The following CHODL variants were observed in gnomAD, a reference collection of about 807,000 sequenced individuals.
CHODL encodes the protein transmembrane protein MT75.
CHODL carries 29 observed loss-of-function variants against 34.5 expected under a neutral mutation model. The observed-to-expected ratio is 0.84, with a 90% confidence interval of 0.63 to 1.15. The LOEUF (loss-of-function observed/expected upper bound fraction) is 1.15. Ranked by LOEUF, CHODL falls within the 50% of genes most tolerant of loss-of-function variation. CHODL has a pLI of 0.00. For synonymous variants in CHODL, 125 were observed against 116.1 expected (o/e 1.08, Z -0.49); for missense variants, 332 against 332.5 (o/e 1.00, Z 0.01).
At chr21:17,982,355 T>C (rs2063720506) in intron 1 of CHODL, among the ~76,000 whole-genome samples, 1 of 152,180 alleles carries the variant, frequency 6.6e-6, no homozygotes, top group Non-Finnish European at 1.5e-5. Flanking sequence ...TTTATAAATA[T>C]CTAAAGGGGT....
At chr21:18,202,037 C>T (rs2146710294) in intron 2 of CHODL, among the ~76,000 whole-genome samples, 1 of 152,150 alleles carries the variant, frequency 6.6e-6, no homozygotes, top group African/African-American at 2.4e-5. Flanking sequence ...AATCTCCTGA[C>T]CTCGTGATCT....
At chr21:17,928,270 G>A (rs1394555325) in intron 1 of CHODL, among the ~76,000 whole-genome samples, 1 of 152,184 alleles carries the variant, frequency 6.6e-6, no homozygotes, top group Non-Finnish European at 1.5e-5. Flanking sequence ...TCTCCCTGGA[G>A]TTCCAAGACT....
At chr21:18,061,047 A>C (rs1211362609) in intron 2 of CHODL, among the ~76,000 whole-genome samples, 1 of 152,212 alleles carries the variant, frequency 6.6e-6, no homozygotes, top group African/African-American at 2.4e-5. Context: ...TTTCAGGTAC[A>C]AAATGAGACG....
chr21:18,084,651 T>TA (rs928459879), intron 2 of CHODL, among the ~76,000 whole-genome samples: 14 of 152,162 alleles, frequency 9.2e-5, no homozygotes, highest in Middle Eastern at 3.4e-3. Flanking sequence ...ATTTTGATTT[T>TA]AAAAAAAAAC....
At position 18,174,157 on chromosome 21, in the gene CHODL, A is replaced by ATATATATATATATATG. The variant is rs1555879240; in HGVS notation, c.-44-82348_-44-82347insTATATATATATGTATA. Among the ~76,000 whole-genome samples, 13 of 88,210 alleles carry ATATATATATATATATG rather than the reference A, an allele frequency of 1.5e-4. No homozygotes were observed. The East Asian group carries it at 1.6e-3, about 11-fold the overall frequency. The allele number at this position is 88,210 out of a possible 152,430, so 57.9% of individuals were successfully genotyped here. On this transcript the variant is annotated intron_variant, in intron 2 of 6. Coordinates refer to the CHODL transcript ENST00000400127. ...TATATATATATATATATATATATAT[A>ATATATATATATATATG]TATAAAATCAAGTCTCTCAGAGTAG... is the stretch of plus-strand genomic sequence containing the variant.
intron 1 of CHODL, among the ~76,000 whole-genome samples, chr21:17,948,227 G>A (rs971090199): frequency 6.6e-6 from 1 of 151,520 alleles, no homozygotes; most frequent in Non-Finnish European, 1.5e-5. Context: ...AATGGTACTC[G>A]AAAAACCCAG....
intron 1 of CHODL, among the ~76,000 whole-genome samples, chr21:17,921,692 G>C (rs1356161629): frequency 6.6e-6 from 1 of 152,192 alleles, no homozygotes; most frequent in Non-Finnish European, 1.5e-5. Flanking sequence ...TATTACAGCA[G>C]TTAGTATATC....
chr21:17,992,247 G>A (rs1049077418), intron 1 of CHODL, among the ~76,000 whole-genome samples: 1 of 152,118 alleles, frequency 6.6e-6, no homozygotes, highest in Non-Finnish European at 1.5e-5. Flanking sequence ...ATATTTCAAA[G>A]TCAGGTAGTG....
intron 1 of CHODL, among the ~76,000 whole-genome samples, chr21:17,992,888 A>G (rs2063811574): frequency 6.6e-6 from 1 of 152,092 alleles, no homozygotes; most frequent in Non-Finnish European, 1.5e-5. Context: ...TCCCGACCTC[A>G]GGTGATCGCT....
Position 18,188,521 on chromosome 21 carries a change from A to T in CHODL, c.-44-67988A>T, listed in dbSNP as rs112039960. ...TCAAACAAAATAGAAATCTTTATTGATGATTAACGAAAGATAAAAGAAGGA... is the reference window on the plus strand; with the variant it reads ...TCAAACAAAATAGAAATCTTTATTGTTGATTAACGAAAGATAAAAGAAGGA... On this transcript the variant is annotated intron_variant, in intron 2 of 6. Coordinates refer to the CHODL transcript ENST00000400127. Among the ~76,000 whole-genome samples the T allele has an allele frequency of 5.7e-3, 870 of 152,334 alleles. 8 individuals are homozygous for T. Among genetic ancestry groups the T allele is most frequent in the African/African-American group, 0.02 (824 of 41,586 alleles).
upstream of CHODL, among the ~76,000 whole-genome samples, chr21:18,243,737 A>G (rs1001729433): frequency 1.3e-5 from 2 of 152,100 alleles, no homozygotes; most frequent in African/African-American, 4.8e-5. Flanking sequence ...AAGTGCTAAA[A>G]TTTCTGATTC....
chr21:18,171,597 A>G (rs2073232722), intron 2 of CHODL, among the ~76,000 whole-genome samples: 1 of 152,044 alleles, frequency 6.6e-6, no homozygotes, highest in African/African-American at 2.4e-5. Context: ...GACAGTTTCT[A>G]CTGATTCATT....
At chr21:18,052,206 G>T (rs527749645) in intron 2 of CHODL, among the ~76,000 whole-genome samples, 7 of 151,986 alleles carry the variant, frequency 4.6e-5, no homozygotes, top group African/African-American at 1.7e-4. Context: ...ACTCACATTA[G>T]GACAGTGATA....
chr21:17,919,561 C>A lies in CHODL; in HGVS notation c.-145+2161C>A, dbSNP rs144015133. On this transcript the variant is annotated intron_variant, in intron 1 of 6. Transcript: ENST00000400127. ...GGACCCTAGGTCTGGCCCACGAAAC[C>A]ATTTTTTCCTCCTAAATCTCCAAGC... Among the ~76,000 whole-genome samples the A allele has an allele frequency of 2.4e-3, 364 of 152,196 alleles. 2 individuals carry two copies. The highest frequency in any genetic ancestry group is 8.3e-3 in the African/African-American group (344 of 41,518).
rs961429252 is a variant in CHODL, at chr21:18,106,305, T to C, written c.-45+78334T>C. On this transcript the variant is annotated intron_variant, in intron 2 of 6. Transcript: ENST00000400127. ...CTTGAATAAAAAACAGACAGTACCC[T>C]TGAGGATGGAACCTGTGAAAACCTA... 2.0e-5 allele frequency among the ~76,000 whole-genome samples: 3 copies of C among 152,094 alleles called. No individual in the cohort carries two copies. In the East Asian group the frequency reaches 5.8e-4, roughly 29 times the overall value.
rs142616222 is a variant in CHODL, at chr21:18,021,295, T to G, written c.-144-6577T>G. 5.8e-3 allele frequency among the ~76,000 whole-genome samples: 884 copies of G among 152,270 alleles called. 5 individuals carry two copies. The highest frequency in any genetic ancestry group is 0.017 in the South Asian group (83 of 4,822). ...TAAAGGGAAAATAAGCGTGTGTAAT[T>G]CTTGAGGCTAAGTGACAATCAAGAG... On this transcript the variant is annotated intron_variant, in intron 1 of 6. Transcript: ENST00000400127.
chr21:18,050,161 T>C (rs1173431307), intron 2 of CHODL, among the ~76,000 whole-genome samples: 3 of 151,966 alleles, frequency 2.0e-5, no homozygotes, highest in East Asian at 1.9e-4. Context: ...GTGTGATCCT[T>C]AGGAAACACT....
Position 18,172,683 on chromosome 21 carries a change from A to G in CHODL, c.-44-83826A>G, listed in dbSNP as rs150174295. On this transcript the variant is annotated intron_variant, in intron 2 of 6. Coordinates refer to the CHODL transcript ENST00000400127. Reference sequence around the variant, plus strand: ...TTACTAGTGTTCTTATCATTTTTACAGAAGAGTGGATCTTCAGAAGTCCTT... The same window carrying G: ...TTACTAGTGTTCTTATCATTTTTACGGAAGAGTGGATCTTCAGAAGTCCTT... Among the ~76,000 whole-genome samples the G allele has an allele frequency of 4.9e-4, 74 of 152,280 alleles. No individual in the cohort carries two copies. The East Asian group carries it at 8.9e-3, about 18-fold the overall frequency.
chr21:18,060,324 G>T (rs561923973), intron 2 of CHODL, among the ~76,000 whole-genome samples: 14 of 152,062 alleles, frequency 9.2e-5, no homozygotes, highest in Middle Eastern at 6.8e-3. Context: ...GCATGGTGGT[G>T]CACGTCTGTG....
Sources: gnomAD v4.1 joint callset for allele counts (sites outside exome capture counted in the v4.1 genomes callset) on GRCh38, gnomAD v4.1.1 for gene constraint, MANE v1.5 for transcripts, NCBI Gene and HGNC (gene_info 2026-07-23, HGNC 2026-07-21) for gene names.